Variants in TM4SF5 observed in about 807,000 individuals in gnomAD.
The protein encoded by TM4SF5 is transmembrane 4 L6 family member 5.
In TM4SF5, 16 loss-of-function variants were observed where a neutral mutation model predicts 22.3. The ratio of observed to expected loss-of-function variants is 0.72; its 90% confidence interval spans 0.49 to 1.09. TM4SF5 has a LOEUF of 1.09. Among genes scored for constraint, TM4SF5 ranks in the 50% least tolerant of loss-of-function variants. The probability of loss-of-function intolerance (pLI) is 0.00; values close to 1 mark genes in which losing one functional copy is unlikely to be tolerated. For missense variants in TM4SF5, 249 were observed against 266.1 expected (o/e 0.94, Z 0.45); for synonymous variants, 113 against 109.6 (o/e 1.03, Z -0.19).
Position 4,783,046 on chromosome 17 carries a change from T to G in TM4SF5, c.579+9T>G, listed in dbSNP as rs3853644. 1,610,486 of 1,614,148 alleles carry G rather than the reference T, an allele frequency of 1. 803,477 individuals carry two copies. Among genetic ancestry groups the G allele is most frequent in the East Asian group, 1 (44,872 of 44,872 alleles). ...ATTGCAGGAAAAAACAGGTGAAATT[T>G]CTTGCGGTGGAGTTGTAGAGGGAAC... On this transcript the variant is annotated intron_variant, in intron 4 of 4. Transcript: ENST00000270560.
chr17:4,773,935 G>A (rs1043108313), intron 1 of TM4SF5, among the ~76,000 whole-genome samples: 3 of 152,142 alleles, frequency 2.0e-5, no homozygotes, highest in Non-Finnish European at 2.9e-5. Flanking sequence ...AGCACCACCC[G>A]GTGGGCATGG....
At chr17:4,775,506 C>T (rs540032593) in intron 1 of TM4SF5, among the ~76,000 whole-genome samples, 1 of 152,008 alleles carries the variant, frequency 6.6e-6, no homozygotes, top group East Asian at 1.9e-4. Context: ...CCTTGTGATC[C>T]ACCCGCCTCG....
At chr17:4,780,950 TG>T in intron 2 of TM4SF5, 81 bp downstream of exon 2, 3 of 1,238,962 alleles carry the variant, frequency 2.4e-6, no homozygotes, top group Non-Finnish European at 3.5e-6. Context: ...CAGGCTGAGG[TG>T]GGAGTACGGC....
intron 1 of TM4SF5, among the ~76,000 whole-genome samples, chr17:4,777,355 C>T (rs1917226487): frequency 1.3e-5 from 2 of 152,220 alleles, no homozygotes; most frequent in South Asian, 4.2e-4. Flanking sequence ...TTTATGATGA[C>T]ACTTTTCACT....
intron 1 of TM4SF5, among the ~76,000 whole-genome samples, chr17:4,774,170 C>T (rs886892250): frequency 6.6e-6 from 1 of 152,186 alleles, no homozygotes. Context: ...CGAGATTGCG[C>T]CATTGTGCTC....
At chr17:4,776,461 CCA>C (rs1917207639) in intron 1 of TM4SF5, among the ~76,000 whole-genome samples, 1 of 151,948 alleles carries the variant, frequency 6.6e-6, no homozygotes, top group African/African-American at 2.4e-5. Flanking sequence ...GCCACCGTGC[CCA>C]GTTAATTTTT....
intron 1 of TM4SF5, among the ~76,000 whole-genome samples, chr17:4,772,357 T>C (rs1917127683): frequency 6.6e-6 from 1 of 152,190 alleles, no homozygotes; most frequent in Non-Finnish European, 1.5e-5. Context: ...ATGTCCTGCC[T>C]GTCCTCCCTG....
intron 1 of TM4SF5, among the ~76,000 whole-genome samples, chr17:4,777,521 G>A (rs571180934): frequency 3.3e-5 from 5 of 151,856 alleles, no homozygotes; most frequent in East Asian, 1.9e-4. Flanking sequence ...CAGGAGAATC[G>A]CTTGAGTCCC....
chr17:4,782,430 G>C (rs1597300249), intron 2 of TM4SF5, 73 bp from the exon 3 acceptor site: 1 of 1,569,816 alleles, frequency 6.4e-7, no homozygotes, highest in East Asian at 2.2e-5. Flanking sequence ...ATAATGCGTG[G>C]GGGCTGGCGC....
chr17:4,778,021 G>C (rs1349163092), intron 1 of TM4SF5, among the ~76,000 whole-genome samples: 1 of 151,644 alleles, frequency 6.6e-6, no homozygotes, highest in Non-Finnish European at 1.5e-5. Flanking sequence ...ACTCCAGTCT[G>C]GGCAACAGTG....
Position 4,783,122 on chromosome 17 carries a change from T to A in TM4SF5, c.588T>A (p.Pro196=), listed in dbSNP as rs1567709067. The A allele has an allele frequency of 1.2e-6, 2 of 1,613,872 alleles. No homozygotes were observed. Among genetic ancestry groups the A allele is most frequent in the Non-Finnish European group, 1.7e-6 (2 of 1,179,906 alleles). ...CGDCRKKQDT[P]H Reference sequence around the variant, plus strand: ...CCTTCTCTTTTCCGCAGGACACACCTCACTGAGGCTCCACTGACCGCCGGG... The same window carrying A: ...CCTTCTCTTTTCCGCAGGACACACCACACTGAGGCTCCACTGACCGCCGGG... The change falls in exon 5 of 5, where the codon CCT becomes CCA. Residue 196 remains proline (P), a synonymous_variant. Transcript: ENST00000270560.
intron 1 of TM4SF5, among the ~76,000 whole-genome samples, chr17:4,780,053 CT>C (rs1189580424): frequency 0.033 from 4,242 of 127,448 alleles, 75 homozygotes; most frequent in African/African-American, 0.071. Context: ...CTGAGCTGGT[CT>C]TTTTTTTTTT....
At chr17:4,776,141 G>A (rs555687310) in intron 1 of TM4SF5, among the ~76,000 whole-genome samples, 35 of 152,038 alleles carry the variant, frequency 2.3e-4, no homozygotes, top group Non-Finnish European at 3.1e-4. Context: ...GAGCCACCGC[G>A]CCTGGCCTGT....
At chr17:4,782,278 C>A (rs1439496594) in intron 2 of TM4SF5, among the ~76,000 whole-genome samples, 1 of 151,874 alleles carries the variant, frequency 6.6e-6, no homozygotes, top group East Asian at 1.9e-4. Context: ...AAGGTTTCTC[C>A]ATGTTGGCCA....
chr17:4,772,240 T>A, intron 1 of TM4SF5, 141 bp downstream of exon 1: 1 of 1,052,764 alleles, frequency 9.5e-7, no homozygotes, highest in Non-Finnish European at 1.4e-6. Flanking sequence ...AGCAGCCCTC[T>A]GGAGTCAGTC....
intron 1 of TM4SF5, among the ~76,000 whole-genome samples, chr17:4,774,205 C>T (rs1320753599): frequency 6.9e-6 from 1 of 144,434 alleles, no homozygotes; most frequent in Non-Finnish European, 1.5e-5. Flanking sequence ...GAGCAAGACT[C>T]CATCTCATAC....
At chr17:4,780,896 AGGGCTGGGGG>A in intron 2 of TM4SF5, 27 bp downstream of exon 2, 2 of 1,601,890 alleles carry the variant, frequency 1.2e-6, no homozygotes. Context: ...GAAGGAATTC[AGGGCTGGGGG>A]TGGTGTCTCA....
chr17:4,773,817 G>T (rs1381205921), intron 1 of TM4SF5, among the ~76,000 whole-genome samples: 1 of 152,044 alleles, frequency 6.6e-6, no homozygotes, highest in African/African-American at 2.4e-5. Flanking sequence ...ACACTCCTCT[G>T]CCCCATCTAA....
Position 4,782,642 on chromosome 17 carries a change from AAGG to A in TM4SF5, c.395+4_395+6del, listed in dbSNP as rs749086278. ...GGCTACCACTTCGAAGACACCGCGTAAGGTTTAGCCTGTATTCGTGTCCTCCAT... is the reference window on the plus strand; with the variant it reads ...GGCTACCACTTCGAAGACACCGCGTATTTAGCCTGTATTCGTGTCCTCCAT... On this transcript the variant is annotated splice_donor_5th_base_variant and intron_variant, in intron 3 of 4. Coordinates refer to ENST00000270560, the MANE Select transcript of TM4SF5 (RefSeq NM_003963.3). 10 of 1,614,092 alleles carry A rather than the reference AAGG, an allele frequency of 6.2e-6. No homozygotes were observed. Among genetic ancestry groups the A allele is most frequent in the East Asian group, 2.2e-5 (1 of 44,872 alleles).
Sources: gnomAD v4.1 joint callset for allele counts (sites outside exome capture counted in the v4.1 genomes callset) on GRCh38, gnomAD v4.1.1 for gene constraint, MANE v1.5 for transcripts, NCBI Gene and HGNC (gene_info 2026-07-23, HGNC 2026-07-21) for gene names.